The following LPCAT3 variants were observed in gnomAD, a reference collection of about 807,000 sequenced individuals.
LPCAT3 encodes the protein lysophosphatidylcholine acyltransferase 3, also known as lysophospholipid acyltransferase 5.
A neutral mutation model predicts 63.4 loss-of-function variants in LPCAT3; 21 were observed. That is an observed-to-expected ratio of 0.33 (90% confidence interval 0.23 to 0.48). The LOEUF (loss-of-function observed/expected upper bound fraction) is 0.48. Among genes scored for constraint, LPCAT3 ranks in the 20% least tolerant of loss-of-function variants. The pLI, the probability that LPCAT3 is intolerant of heterozygous loss-of-function variation, is 0.99. For synonymous variants in LPCAT3, 242 were observed against 227.5 expected, an observed-to-expected ratio of 1.06 and a Z score of -0.58; for missense variants, 451 against 590.6, an observed-to-expected ratio of 0.76 and a Z score of 2.45.
intron 1 of LPCAT3, among the ~76,000 whole-genome samples, chr12:6,990,166 G>GT (rs1482907237): frequency 4.3e-5 from 6 of 139,910 alleles, no homozygotes; most frequent in South Asian, 2.3e-4. Flanking sequence ...CAACAAAGTT[G>GT]TTTTTTTTGA....
At chr12:6,980,267 T>C (rs1022207019) in intron 6 of LPCAT3, among the ~76,000 whole-genome samples, 3 of 152,104 alleles carry the variant, frequency 2.0e-5, no homozygotes, top group African/African-American at 7.2e-5. Flanking sequence ...GGTCTTGAAC[T>C]CCTGGCCTCC....
Position 6,976,745 on chromosome 12 carries a change from C to G in LPCAT3, c.*159G>C, listed in dbSNP as rs1418753290. The G allele has an allele frequency of 6.2e-6, 1 of 162,126 alleles. No individual in the cohort carries two copies. The highest frequency in any genetic ancestry group is 6.0e-5 in the Admixed American group (1 of 16,624). 10.0% of individuals were successfully genotyped at this position (162,126 alleles called of 1,614,324 possible). ...CTCCAAAAAAAAGTTTCCCCTTTGG[C>G]CCCAAATGAAGACTTGGCTGGCAGC... is the stretch of plus-strand genomic sequence containing the variant. On this transcript the variant is annotated 3_prime_UTR_variant, in exon 13 of 13. Coordinates refer to ENST00000261407, the MANE Select transcript of LPCAT3 (RefSeq NM_005768.6).
intron 1 of LPCAT3, among the ~76,000 whole-genome samples, chr12:6,995,114 C>A (rs1488942271): frequency 2.6e-5 from 3 of 115,152 alleles, no homozygotes; most frequent in African/African-American, 9.5e-5. Context: ...AATCAGCCTT[C>A]TCTGGGCTTT....
At chr12:7,015,524 C>T (rs781912927) in intron 1 of LPCAT3, among the ~76,000 whole-genome samples, 10 of 152,184 alleles carry the variant, frequency 6.6e-5, no homozygotes, top group South Asian at 2.1e-4. Context: ...ACTCCTACCA[C>T]GCACACATCA....
chr12:6,977,344 C>T lies in LPCAT3; in HGVS notation c.1347+23G>A. ...GAGGTTGCAGTGAGTCCCTCCCAGT[C>T]TCACAAGCAGGCCTTCACTTGCCTT... On this transcript the variant is annotated intron_variant, in intron 11 of 12. Coordinates refer to ENST00000261407, the MANE Select transcript of LPCAT3 (RefSeq NM_005768.6). The surrounding 1 kb of genome is among the most constrained non-coding windows in gnomAD (Gnocchi z 4.5). 6.2e-7 allele frequency: 1 copy of T among 1,613,918 alleles called. No homozygotes were observed. Among genetic ancestry groups the T allele is most frequent in the Admixed American group, 1.7e-5 (1 of 60,016 alleles).
At chr12:6,981,742 C>G in intron 4 of LPCAT3, 69 bp downstream of exon 4, 1 of 1,425,412 alleles carries the variant, frequency 7.0e-7, no homozygotes, top group African/African-American at 1.4e-5. Flanking sequence ...GGGGGGGTGC[C>G]GAGGAAGTTT....
At chr12:6,988,072 A>G in intron 1 of LPCAT3, 1 of 334,236 alleles carries the variant, frequency 3.0e-6, no homozygotes, top group Admixed American at 4.8e-5. Context: ...GATTTAAGAC[A>G]AAAGCAAGGG....
intron 1 of LPCAT3, among the ~76,000 whole-genome samples, chr12:7,014,750 C>T (rs1555157455): frequency 6.6e-6 from 1 of 151,938 alleles, no homozygotes; most frequent in Non-Finnish European, 1.5e-5. Flanking sequence ...CAAAAATTAG[C>T]CGGGTATGAT....
chr12:7,014,608 C>T (rs782466191), intron 1 of LPCAT3, among the ~76,000 whole-genome samples: 32 of 151,726 alleles, frequency 2.1e-4, no homozygotes, highest in Non-Finnish European at 3.8e-4. Flanking sequence ...CTCGGCTGGG[C>T]GCGGTGGCTC....
At chr12:6,985,936 A>C (rs915629302) in intron 1 of LPCAT3, among the ~76,000 whole-genome samples, 2 of 151,776 alleles carry the variant, frequency 1.3e-5, no homozygotes, top group African/African-American at 4.8e-5. Flanking sequence ...CACCATGCCC[A>C]GTGAATTTTT....
At chr12:6,983,868 C>G (rs1555154480) in intron 1 of LPCAT3, among the ~76,000 whole-genome samples, 1 of 152,172 alleles carries the variant, frequency 6.6e-6, no homozygotes, top group East Asian at 1.9e-4. Flanking sequence ...GGAAGCTAGG[C>G]ATGGTGGCTC....
intron 1 of LPCAT3, among the ~76,000 whole-genome samples, chr12:6,988,013 G>A (rs956753538): frequency 3.3e-5 from 5 of 151,810 alleles, no homozygotes; most frequent in South Asian, 2.1e-4. Flanking sequence ...CCTAATTTAC[G>A]GCAGGCCTTA....
intron 1 of LPCAT3, chr12:6,988,070 A>G (rs1555155005): frequency 8.9e-6 from 3 of 337,514 alleles, no homozygotes; most frequent in East Asian, 4.4e-5. Context: ...AAGATTTAAG[A>G]CAAAAGCAAG....
At chr12:6,979,034 C>A in intron 7 of LPCAT3, 1 of 303,548 alleles carries the variant, frequency 3.3e-6, no homozygotes, top group Non-Finnish European at 6.1e-6. Flanking sequence ...GAAACCTGCC[C>A]AGAATTACTG....
intron 1 of LPCAT3, among the ~76,000 whole-genome samples, chr12:7,007,370 G>A (rs1946732578): frequency 7.6e-6 from 1 of 131,946 alleles, no homozygotes; most frequent in Non-Finnish European, 1.7e-5. Flanking sequence ...TTAATTGCCT[G>A]TAAAATTACT....
At chr12:7,015,088 C>G (rs782313044) in intron 1 of LPCAT3, among the ~76,000 whole-genome samples, 2 of 152,078 alleles carry the variant, frequency 1.3e-5, no homozygotes, top group African/African-American at 4.8e-5. Flanking sequence ...ATATTTCTTA[C>G]GATGGATCTT....
At chr12:6,988,468 C>T (rs1555155053) in intron 1 of LPCAT3, 1 of 152,146 alleles carries the variant, frequency 6.6e-6, no homozygotes, top group African/African-American at 2.4e-5. Context: ...GCCTGGCTGC[C>T]CAGCCACCAC....
intron 1 of LPCAT3, among the ~76,000 whole-genome samples, chr12:7,014,892 C>CAAAAAAAAAAAAA (rs375839002): frequency 3.1e-4 from 18 of 57,598 alleles, no homozygotes; most frequent in Non-Finnish European, 6.3e-4. Flanking sequence ...GACTCCGTCT[C>CAAAAAAAAAAAAA]AAAAAAAAAA....
intron 1 of LPCAT3, among the ~76,000 whole-genome samples, chr12:7,003,928 C>CAAA (rs781922909): frequency 8.4e-4 from 53 of 62,934 alleles, no homozygotes; most frequent in East Asian, 1.9e-3. Flanking sequence ...GACTCCGTCT[C>CAAA]AAAAAAAAAA....
Sources: gnomAD v4.1 joint callset for allele counts (sites outside exome capture counted in the v4.1 genomes callset) on GRCh38, gnomAD v4.1.1 for gene constraint, Gnocchi (gnomAD v3.1) non-coding constraint, MANE v1.5 for transcripts, NCBI Gene and HGNC (gene_info 2026-07-23, HGNC 2026-07-21) for gene names.